APC: variants seen among roughly 807,000 people sequenced by gnomAD.
APC encodes the protein APC regulator of Wnt signaling pathway.
Under a neutral mutation model 247.0 loss-of-function variants are expected in APC, and 72 were observed. The observed-to-expected ratio is 0.29, with a 90% confidence interval of 0.24 to 0.35. APC has a LOEUF of 0.35. APC is among the 10% of genes least tolerant of loss of function. APC has a pLI of 1.00. For missense variants in APC, 3,400 were observed against 3,360.7 expected, an observed-to-expected ratio of 1.01 and a Z score of -0.29; for synonymous variants, 1,254 against 1,162.5, an observed-to-expected ratio of 1.08 and a Z score of -1.60.
intron 1 of APC, among the ~76,000 whole-genome samples, chr5:112,754,005 C>G (rs1253571352): frequency 6.6e-6 from 1 of 152,098 alleles, no homozygotes; most frequent in Non-Finnish European, 1.5e-5. Flanking sequence ...ATAATTCTTC[C>G]TAAAGTCCTC....
At chr5:112,716,617 C>T (rs1032244464) in intron 1 of APC, among the ~76,000 whole-genome samples, 4 of 152,024 alleles carry the variant, frequency 2.6e-5, no homozygotes, top group Non-Finnish European at 5.9e-5. Flanking sequence ...CTTTTGTTTG[C>T]TCATCAGTTA....
At chr5:112,770,830 G>C (rs367650257) in intron 4 of APC, among the ~76,000 whole-genome samples, 11 of 151,986 alleles carry the variant, frequency 7.2e-5, no homozygotes, top group Admixed American at 2.6e-4. Flanking sequence ...CCAATTCTTT[G>C]GTCGAATTTG....
chr5:112,832,411 C>CT (rs1290941793), intron 14 of APC, among the ~76,000 whole-genome samples: 1 of 152,218 alleles, frequency 6.6e-6, no homozygotes. Flanking sequence ...TAAAAGCACT[C>CT]TATCTGCCTC....
At chr5:112,788,024 G>C (rs900140996) in intron 6 of APC, among the ~76,000 whole-genome samples, 1 of 152,080 alleles carries the variant, frequency 6.6e-6, no homozygotes, top group African/African-American at 2.4e-5. Flanking sequence ...GTTGTTAACT[G>C]AATTTCTCAT....
rs1580512372 is a variant in APC, at chr5:112,815,573, A to G, written c.913A>G (p.Thr305Ala). 6.2e-7 allele frequency: 1 copy of G among 1,611,478 alleles called. No individual in the cohort carries two copies. Among genetic ancestry groups the G allele is most frequent in the Non-Finnish European group, 8.5e-7 (1 of 1,178,252 alleles). The change falls in exon 9 of 16, where the codon ACA becomes GCA. Residue 305 changes from threonine (T) to alanine (A), a missense_variant. This residue lies in a region of APC where 372 missense variants were observed against 367.6 expected (regional missense o/e 1.01). Transcript: ENST00000257430. The stretch of plus-strand genomic sequence containing the variant: ...CACACACTCTGCACCTCGAAGGCTG[A>G]CAAGTCATCTGGGAACCAAGGTAAC... ...SSTHSAPRRL[T>A]SHLGTKVEMV...
intron 1 of APC, among the ~76,000 whole-genome samples, chr5:112,728,238 C>G (rs1751905692): frequency 6.6e-6 from 1 of 152,128 alleles, no homozygotes; most frequent in African/African-American, 2.4e-5. Context: ...AGCGATTCCC[C>G]TGCCTCAACC....
In APC at chr5:112,813,592, C is replaced by T. The variant is rs765619955; in HGVS notation, c.835-1903C>T. ...TGGAAGTTATCTGGCAAACAGTTTA[C>T]GTTGCTAGCTAACAGGGAAGAAAAG... On this transcript the variant is annotated intron_variant, in intron 8 of 15. Coordinates refer to ENST00000257430, the MANE Select transcript of APC (RefSeq NM_000038.6). Among the ~76,000 whole-genome samples the T allele has an allele frequency of 4.6e-5, 7 of 152,024 alleles. No homozygotes were observed. The South Asian group carries it at 6.2e-4, about 14-fold the overall frequency.
intron 7 of APC, among the ~76,000 whole-genome samples, chr5:112,798,456 G>C (rs1760438318): frequency 6.6e-6 from 1 of 152,198 alleles, no homozygotes; most frequent in Admixed American, 6.5e-5. Context: ...TTGGAATGAT[G>C]AAAATGTTCT....
At chr5:112,716,084 A>G (rs897648582) in intron 1 of APC, among the ~76,000 whole-genome samples, 1 of 151,834 alleles carries the variant, frequency 6.6e-6, no homozygotes, top group Non-Finnish European at 1.5e-5. Context: ...AGTCTGTTGT[A>G]TGTTTATTTT....
intron 8 of APC, among the ~76,000 whole-genome samples, chr5:112,815,125 C>G (rs1762364807): frequency 6.6e-6 from 1 of 152,212 alleles, no homozygotes; most frequent in South Asian, 2.1e-4. Context: ...ACTTAGTTTT[C>G]TGGCAATTTG....
At chr5:112,786,157 C>CA (rs1758924393) in intron 6 of APC, among the ~76,000 whole-genome samples, 1 of 152,130 alleles carries the variant, frequency 6.6e-6, no homozygotes, top group Non-Finnish European at 1.5e-5. Context: ...TTCACAGGAG[C>CA]AATCATAATA....
rs141809721 is a variant in APC, at chr5:112,758,919, A to G, written c.135+3894A>G. On this transcript the variant is annotated intron_variant, in intron 2 of 15. Transcript: ENST00000257430. ...CACCCAGCCTACCTAGAGCTCTTTA[A>G]TTGACTTTAAAATACTGAGTATAGC... is the stretch of plus-strand genomic sequence containing the variant. 2.0e-3 allele frequency among the ~76,000 whole-genome samples: 305 copies of G among 152,270 alleles called. 1 individual carries two copies. In the Middle Eastern group the frequency reaches 0.037, roughly 19 times the overall value.
chr5:112,819,126 A>G lies in APC; in HGVS notation c.1094A>G (p.Lys365Arg), dbSNP rs1580529121. Reference sequence around the variant, plus strand: ...ATCCAGCTTTTACATGGCAATGACAAAGACTCTGTATTGTTGGGAAATTCC... The same window carrying G: ...ATCCAGCTTTTACATGGCAATGACAGAGACTCTGTATTGTTGGGAAATTCC... ...LLIQLLHGND[K>R]DSVLLGNSRG... The change falls in exon 10 of 16, where the codon AAA becomes AGA. Residue 365 changes from lysine to arginine, a missense_variant. Transcript: ENST00000257430. The G allele has an allele frequency of 2.5e-6, 4 of 1,614,090 alleles. No individual in the cohort carries two copies. Among genetic ancestry groups the G allele is most frequent in the Non-Finnish European group, 3.4e-6 (4 of 1,179,998 alleles).
intron 1 of APC, among the ~76,000 whole-genome samples, chr5:112,720,608 T>A (rs1279577257): frequency 6.6e-6 from 1 of 152,204 alleles, no homozygotes; most frequent in African/African-American, 2.4e-5. Flanking sequence ...CCAATAGCTT[T>A]TATATTCTCC....
intron 11 of APC, among the ~76,000 whole-genome samples, chr5:112,824,803 T>C (rs1763476220): frequency 6.6e-6 from 1 of 152,148 alleles, no homozygotes; most frequent in Admixed American, 6.6e-5. Context: ...TGGGTCAAAA[T>C]TCTCAGTTCT....
chr5:112,838,362 G>C lies in APC; in HGVS notation c.2768G>C (p.Arg923Thr), dbSNP rs1057519194. 14 of 1,614,044 alleles carry C rather than the reference G, an allele frequency of 8.7e-6. No homozygotes were observed. Among genetic ancestry groups the C allele is most frequent in the Non-Finnish European group, 1.2e-5 (14 of 1,180,038 alleles). Residue 923 changes from arginine to threonine, a missense_variant, in exon 16 of 16, where the codon AGA becomes ACA. Physicochemically the swap from Arg to Thr is moderately conservative, Grantham distance 71. This residue lies in a region of APC where 715 missense variants were observed against 656.6 expected (regional missense o/e 1.09). Transcript: ENST00000257430. ...HCVTDERNAL[R>T]RSSAAHTHSN... is the part of the protein sequence containing the mutation. ...GTGACAGATGAGAGAAATGCACTTA[G>C]AAGAAGCTCTGCTGCCCATACACAT... is the stretch of plus-strand genomic sequence containing the variant.
chr5:112,808,303 G>A (rs1377518796), intron 8 of APC, among the ~76,000 whole-genome samples: 1 of 152,064 alleles, frequency 6.6e-6, no homozygotes, highest in Non-Finnish European at 1.5e-5. Flanking sequence ...CAGTTTATTT[G>A]CCTCAGGGTC....
intron 1 of APC, 82 bp downstream of exon 1, chr5:112,738,007 T>C (rs1322556887): frequency 1.1e-6 from 1 of 899,486 alleles, no homozygotes; most frequent in Non-Finnish European, 1.3e-6. Flanking sequence ...CTTAAACCGA[T>C]GGCCTTTCCT....
upstream of APC, among the ~76,000 whole-genome samples, chr5:112,735,721 T>G (rs1167923770): frequency 1.3e-5 from 2 of 152,286 alleles, no homozygotes; most frequent in East Asian, 1.9e-4. Context: ...ATTAAACTTT[T>G]GTGGAATCTC....
Sources: allele counts gnomAD v4.1 joint callset (sites outside exome capture counted in the v4.1 genomes callset), GRCh38; gene constraint gnomAD v4.1.1; regional missense constraint gnomAD v4.1.1; transcripts MANE v1.5; gene names NCBI Gene and HGNC (gene_info 2026-07-23, HGNC 2026-07-21).